LIMA1: variants seen among roughly 807,000 people sequenced by gnomAD.
LIMA1 encodes the protein LIM domain and actin binding 1, also known as LIM domain and actin-binding protein 1.
A neutral mutation model predicts 62.6 loss-of-function variants in LIMA1; 52 were observed. The ratio of observed to expected loss-of-function variants is 0.83; its 90% CI spans 0.67 to 1.05. LIMA1 has a LOEUF of 1.05. Among genes scored for constraint, LIMA1 ranks in the 50% least tolerant of loss-of-function variants. The pLI is 0.00. For missense variants in LIMA1, 780 were observed against 902.2 expected, an observed-to-expected ratio of 0.86 and a Z score of 1.74; for synonymous variants, 302 against 317.8, an observed-to-expected ratio of 0.95 and a Z score of 0.53.
intron 1 of LIMA1, among the ~76,000 whole-genome samples, chr12:50,266,590 A>T (rs1342765766): frequency 6.6e-6 from 1 of 152,200 alleles, no homozygotes; most frequent in Non-Finnish European, 1.5e-5. Context: ...TGGAACAAAC[A>T]TGCTTGTACT....
At chr12:50,269,746 C>A (rs1305380782) in intron 1 of LIMA1, among the ~76,000 whole-genome samples, 1 of 151,246 alleles carries the variant, frequency 6.6e-6, no homozygotes, top group Non-Finnish European at 1.5e-5. Flanking sequence ...TGGAGAAACC[C>A]CGTCTCTACT....
chr12:50,278,028 C>A (rs1337838433), intron 1 of LIMA1, among the ~76,000 whole-genome samples: 1 of 152,286 alleles, frequency 6.6e-6, no homozygotes, highest in South Asian at 2.1e-4. Flanking sequence ...GTAATCCCAG[C>A]ACTTTGGGAG....
chr12:50,227,638 T>C (rs1053294392), intron 3 of LIMA1, among the ~76,000 whole-genome samples: 4 of 152,288 alleles, frequency 2.6e-5, no homozygotes, highest in Non-Finnish European at 4.4e-5. Context: ...TGTTCTCTTA[T>C]GCCTTCATGC....
At chr12:50,208,980 TTTTC>T (rs1476080584) in intron 4 of LIMA1, among the ~76,000 whole-genome samples, 12 of 147,676 alleles carry the variant, frequency 8.1e-5, no homozygotes, top group South Asian at 2.2e-4. Context: ...TAAGTCTATT[TTTTC>T]TTTCTTTCTT....
chr12:50,258,885 A>ATC (rs1473863353), intron 1 of LIMA1, among the ~76,000 whole-genome samples: 12 of 151,680 alleles, frequency 7.9e-5, no homozygotes, highest in Admixed American at 7.2e-4. Context: ...TGACCTCGTG[A>ATC]TCTGCCCACC....
chr12:50,275,092 C>T (rs1942260405), intron 1 of LIMA1, among the ~76,000 whole-genome samples: 1 of 152,076 alleles, frequency 6.6e-6, no homozygotes, highest in African/African-American at 2.4e-5. Flanking sequence ...TGCGGTGGCT[C>T]ATGCCTATAA....
intron 1 of LIMA1, among the ~76,000 whole-genome samples, chr12:50,270,567 T>C (rs1162823870): frequency 7.6e-6 from 1 of 131,136 alleles, no homozygotes; most frequent in African/African-American, 3.0e-5. Context: ...ATCACGCCAC[T>C]GCACTCCAGC....
At chr12:50,214,025 C>CACAG (rs1491581820) in intron 4 of LIMA1, among the ~76,000 whole-genome samples, 1 of 64,784 alleles carries the variant, frequency 1.5e-5, no homozygotes, top group African/African-American at 1.3e-4. Flanking sequence ...ATTATCTTAC[C>CACAG]ACACACACAC....
intron 3 of LIMA1, 105 bp downstream of exon 3, chr12:50,231,559 TC>T: frequency 1.0e-6 from 1 of 986,876 alleles, no homozygotes; most frequent in Non-Finnish European, 1.6e-6. Flanking sequence ...GGCACAAATG[TC>T]CACTCAGCTG....
At chr12:50,244,547 A>G (rs927728383) in intron 2 of LIMA1, among the ~76,000 whole-genome samples, 18 of 152,102 alleles carry the variant, frequency 1.2e-4, no homozygotes, top group South Asian at 1.0e-3. Context: ...CCAAAATAGT[A>G]TGTGTTTCTA....
intron 2 of LIMA1, among the ~76,000 whole-genome samples, chr12:50,241,537 C>A (rs1373400136): frequency 6.6e-6 from 1 of 152,104 alleles, no homozygotes; most frequent in African/African-American, 2.4e-5. Flanking sequence ...AGCATGGAGG[C>A]ATCTGTAAGA....
chr12:50,267,280 C>G (rs1434467324), intron 1 of LIMA1, among the ~76,000 whole-genome samples: 1 of 152,120 alleles, frequency 6.6e-6, no homozygotes, highest in African/African-American at 2.4e-5. Flanking sequence ...ACCGTGTTAG[C>G]CAGGATGGTC....
At chr12:50,230,990 TAGGTTA>T (rs1299219805) in intron 3 of LIMA1, among the ~76,000 whole-genome samples, 2 of 152,198 alleles carry the variant, frequency 1.3e-5, no homozygotes, top group African/African-American at 4.8e-5. Flanking sequence ...CTAATTTAAA[TAGGTTA>T]GCTACTGAAA....
intron 4 of LIMA1, among the ~76,000 whole-genome samples, chr12:50,221,377 T>G (rs1349671433): frequency 1.3e-5 from 2 of 152,192 alleles, no homozygotes; most frequent in Non-Finnish European, 2.9e-5. Context: ...TAATTCCCTC[T>G]GGGGACGAGG....
At chr12:50,235,449 A>T in intron 2 of LIMA1, among the ~76,000 whole-genome samples, 1 of 151,736 alleles carries the variant, frequency 6.6e-6, no homozygotes, top group East Asian at 1.9e-4. Flanking sequence ...TTTTTTTACT[A>T]GAGACGGGTT....
intron 8 of LIMA1, among the ~76,000 whole-genome samples, chr12:50,193,603 T>C (rs1450954221): frequency 7.0e-3 from 30 of 4,258 alleles, no homozygotes; most frequent in African/African-American, 0.014. Flanking sequence ...GATATATATA[T>C]ACATGTATAT....
At chr12:50,223,276 A>C (rs1218498016) in intron 3 of LIMA1, among the ~76,000 whole-genome samples, 2 of 151,656 alleles carry the variant, frequency 1.3e-5, no homozygotes, top group Non-Finnish European at 2.9e-5. Context: ...CAAGGTCAGG[A>C]GTTTGAGACC....
intron 4 of LIMA1, among the ~76,000 whole-genome samples, chr12:50,218,895 T>TAAAAAAAAA (rs1409254811): frequency 1.4e-5 from 1 of 73,998 alleles, no homozygotes; most frequent in African/African-American, 4.9e-5. Flanking sequence ...CCTATCTCCA[T>TAAAAAAAAA]AAAAAAAAAA....
At chr12:50,230,223 C>A (rs906790962) in intron 3 of LIMA1, among the ~76,000 whole-genome samples, 1 of 152,070 alleles carries the variant, frequency 6.6e-6, no homozygotes, top group Non-Finnish European at 1.5e-5. Context: ...TTAGTGGAGA[C>A]AAGGTTTCAC....
Sources: gnomAD v4.1 joint callset for allele counts (sites outside exome capture counted in the v4.1 genomes callset) on GRCh38, gnomAD v4.1.1 for gene constraint, MANE v1.5 for transcripts, NCBI Gene and HGNC (gene_info 2026-07-23, HGNC 2026-07-21) for gene names.